Variants in PCDHGA3 observed in about 807,000 individuals in gnomAD.
The protein encoded by PCDHGA3 is protocadherin gamma subfamily A, 3, also known as protocadherin gamma-A3.
PCDHGA3 carries 40 observed loss-of-function variants against 58.5 expected under a neutral mutation model. The observed-to-expected ratio is 0.68, with a 90% CI of 0.53 to 0.89. The LOEUF is 0.89. Among genes scored for constraint, PCDHGA3 ranks in the 40% least tolerant of loss-of-function variants. The probability of loss-of-function intolerance (pLI) is 0.00; values close to 1 mark genes in which losing one functional copy is unlikely to be tolerated. For synonymous variants in PCDHGA3, 530 were observed against 525.7 expected, an observed-to-expected ratio of 1.01 and a Z score of -0.11; for missense variants, 1,223 against 1,195.9, an observed-to-expected ratio of 1.02 and a Z score of -0.33.
Position 141,485,263 on chromosome 5 carries a change from G to A in PCDHGA3, c.2425-9544G>A. 1 of 1,614,162 alleles carries A rather than the reference G, an allele frequency of 6.2e-7. No individual in the cohort carries two copies. On this transcript the variant is annotated intron_variant, in intron 1 of 3. Transcript: ENST00000253812. This position sits in a 1 kb window ranked among gnomAD's most constrained non-coding sequence, Gnocchi z 5.7. ...ACCACCTGGGTTACGTTTGTGGGCA[G>A]ATCCGCTACCCGGTCCCAGAGGAGT...
Position 141,431,336 on chromosome 5 carries a change from G to C in PCDHGA3, c.2425-63471G>C, listed in dbSNP as rs1187672228. ...TGGAGCCGACGGTAGTAAGTACCCC[G>C]AATTGGTGCTGAAACGCGCCCTGGA... On this transcript the variant is annotated intron_variant, in intron 1 of 3. Transcript: ENST00000253812. The surrounding 1 kb of genome is among the most constrained non-coding windows in gnomAD (Gnocchi z 4.8). 2.5e-6 allele frequency: 4 copies of C among 1,613,956 alleles called. No individual in the cohort carries two copies. The East Asian group carries it at 6.7e-5, about 27-fold the overall frequency.
At chr5:141,420,474 C>T in intron 1 of PCDHGA3, 1 of 677,328 alleles carries the variant, frequency 1.5e-6, no homozygotes, top group Non-Finnish European at 2.1e-6. Context: ...CATTTTAAAG[C>T]AAACTACATG....
chr5:141,404,290 T>C (rs2094507318), intron 1 of PCDHGA3: 1 of 1,613,984 alleles, frequency 6.2e-7, no homozygotes, highest in South Asian at 1.1e-5. Context: ...CTGACATCAA[T>C]GATAATCCAC....
intron 1 of PCDHGA3, chr5:141,355,002 A>G: frequency 1.3e-6 from 1 of 756,684 alleles, no homozygotes; most frequent in South Asian, 3.1e-5. Flanking sequence ...GGGGGAAAAG[A>G]CAAACCAGAA....
intron 1 of PCDHGA3, chr5:141,399,627 C>T (rs751717107): frequency 1.2e-6 from 2 of 1,613,906 alleles, no homozygotes; most frequent in Non-Finnish European, 1.7e-6. Context: ...TGGCCTCTTA[C>T]GTGTCCATGA....
At chr5:141,390,867 C>CATGT in intron 1 of PCDHGA3, 1 of 151,040 alleles carries the variant, frequency 6.6e-6, no homozygotes, top group East Asian at 1.9e-4. Flanking sequence ...GCTGTGTGTG[C>CATGT]GTGTGTGTGT....
At chr5:141,448,200 T>C (rs2098574351) in intron 1 of PCDHGA3, among the ~76,000 whole-genome samples, 1 of 152,156 alleles carries the variant, frequency 6.6e-6, no homozygotes, top group Non-Finnish European at 1.5e-5. Context: ...CTTACAAACA[T>C]TTTCTGTGTG....
At chr5:141,507,283 G>T (rs917383969) in intron 3 of PCDHGA3, 2 of 150,498 alleles carry the variant, frequency 1.3e-5, no homozygotes, top group Non-Finnish European at 2.9e-5. Context: ...GCATAAGTCA[G>T]TCTCAAATGT....
At chr5:141,351,946 G>T (rs753094111) in intron 1 of PCDHGA3, 3 of 1,613,116 alleles carry the variant, frequency 1.9e-6, no homozygotes, top group Admixed American at 3.3e-5. Context: ...TGTACCCCGC[G>T]CTGGGGCCTG....
intron 1 of PCDHGA3, among the ~76,000 whole-genome samples, chr5:141,348,447 A>T (rs1327232590): frequency 6.6e-6 from 1 of 152,238 alleles, no homozygotes; most frequent in Non-Finnish European, 1.5e-5. Context: ...TTTTAGAAAA[A>T]AAAATGTTTA....
chr5:141,486,987 G>C lies in PCDHGA3; in HGVS notation c.2425-7820G>C, dbSNP rs1327158531. ...GACTTGGATTCAGGTTACAATGCTTGGGTTTCCTATCAGCTCCTGGAGGCC... is the reference window on the plus strand; with the variant it reads ...GACTTGGATTCAGGTTACAATGCTTCGGTTTCCTATCAGCTCCTGGAGGCC... On this transcript the variant is annotated intron_variant, in intron 1 of 3. Transcript: ENST00000253812. The surrounding 1 kb of genome is among the most constrained non-coding windows in gnomAD (Gnocchi z 5.0). The C allele has an allele frequency of 6.2e-7, 1 of 1,614,144 alleles. No homozygotes were observed. Among genetic ancestry groups the C allele is most frequent in the Admixed American group, 1.7e-5 (1 of 60,020 alleles).
chr5:141,463,510 G>A (rs1031854898), intron 1 of PCDHGA3, among the ~76,000 whole-genome samples: 4 of 143,710 alleles, frequency 2.8e-5, no homozygotes, highest in Non-Finnish European at 4.5e-5. Context: ...GTGACGTGGC[G>A]TGATCTCGGC....
At position 141,381,826 on chromosome 5, in the gene PCDHGA3, CTTT is replaced by C. The variant is rs770630741; in HGVS notation, c.2424+35389_2424+35391del. Among the ~76,000 whole-genome samples the C allele has an allele frequency of 8.4e-3, 625 of 74,256 alleles. 6 individuals are homozygous for C. Among genetic ancestry groups the C allele is most frequent in the African/African-American group, 0.035 (569 of 16,164 alleles). 48.7% of individuals were successfully genotyped at this position (74,256 alleles called of 152,430 possible). On this transcript the variant is annotated intron_variant, in intron 1 of 3. Transcript: ENST00000253812. ...TTTCTTTCTTTCTTTCTTTCTTCTT[CTTT>C]TTTTTTTTTTTTTTTTTTTGGCAGA...
intron 1 of PCDHGA3, chr5:141,421,860 C>G: frequency 8.1e-6 from 13 of 1,613,750 alleles, no homozygotes; most frequent in Non-Finnish European, 1.1e-5. Context: ...CTCACCTGCT[C>G]CTCCTCACAG....
rs1350353768 is a variant in PCDHGA3, at chr5:141,476,524, T to A, written c.2425-18283T>A. Reference sequence around the variant, plus strand: ...TCAACGACAACAATCCTGCTTTCCCTACCCAGGAAATGAAATTGGAGATTA... The same window carrying A: ...TCAACGACAACAATCCTGCTTTCCCAACCCAGGAAATGAAATTGGAGATTA... On this transcript the variant is annotated intron_variant, in intron 1 of 3. Coordinates refer to ENST00000253812, the MANE Select transcript of PCDHGA3 (RefSeq NM_018916.4). The surrounding 1 kb of genome is among the most constrained non-coding windows in gnomAD (Gnocchi z 7.6). The A allele has an allele frequency of 1.2e-5, 20 of 1,614,064 alleles. No homozygotes were observed. The highest frequency in any genetic ancestry group is 1.7e-5 in the Non-Finnish European group (20 of 1,180,036).
At chr5:141,495,804 T>G (rs894259635) in intron 2 of PCDHGA3, among the ~76,000 whole-genome samples, 1 of 152,168 alleles carries the variant, frequency 6.6e-6, no homozygotes, top group South Asian at 2.1e-4. Flanking sequence ...TTTCACCGTT[T>G]CCTAGCGCCT....
At chr5:141,508,408 C>T (rs938019804) in intron 3 of PCDHGA3, 1 of 152,180 alleles carries the variant, frequency 6.6e-6, no homozygotes, top group Non-Finnish European at 1.5e-5. Context: ...GCTTGAGCCA[C>T]GCAGAGACTT....
chr5:141,385,604 CAT>C, intron 1 of PCDHGA3: 1 of 1,188,174 alleles, frequency 8.4e-7, no homozygotes, highest in Non-Finnish European at 1.1e-6. Flanking sequence ...TTTCTTAACT[CAT>C]ATATTTTATA....
chr5:141,422,030 C>G, intron 1 of PCDHGA3: 1 of 1,609,592 alleles, frequency 6.2e-7, no homozygotes, highest in African/African-American at 1.3e-5. Flanking sequence ...GTTAATGCAA[C>G]GGATCCAGAC....
Sources: allele counts gnomAD v4.1 joint callset (sites outside exome capture counted in the v4.1 genomes callset), GRCh38; gene constraint gnomAD v4.1.1; non-coding constraint Gnocchi (gnomAD v3.1); transcripts MANE v1.5; gene names NCBI Gene and HGNC (gene_info 2026-07-23, HGNC 2026-07-21).